CROT: variants seen among roughly 807,000 people sequenced by gnomAD.
The protein encoded by CROT is peroxisomal carnitine O-octanoyltransferase.
Under a neutral mutation model 89.2 loss-of-function variants are expected in CROT, and 84 were observed. The ratio of observed to expected loss-of-function variants is 0.94; its 90% CI spans 0.79 to 1.13. The LOEUF is 1.13. Among genes scored for constraint, CROT ranks in the 50% most tolerant of loss-of-function variants. The probability of loss-of-function intolerance (pLI) is 0.00; values close to 1 mark genes in which losing one functional copy is unlikely to be tolerated. For synonymous variants in CROT, 212 were observed against 239.5 expected (o/e 0.89, Z 1.06); for missense variants, 711 against 727.8 (o/e 0.98, Z 0.27).
At chr7:87,383,413 T>G (rs1234238789) in intron 13 of CROT, among the ~76,000 whole-genome samples, 22 of 152,218 alleles carry the variant, frequency 1.4e-4, no homozygotes, top group Admixed American at 1.4e-3. Flanking sequence ...TTATCCAGCC[T>G]TACCCATGTT....
chr7:87,394,209 G>A (rs1221764706), intron 17 of CROT, among the ~76,000 whole-genome samples: 2 of 152,156 alleles, frequency 1.3e-5, no homozygotes, highest in Non-Finnish European at 2.9e-5. Flanking sequence ...ACCTCATGTT[G>A]CTACTGTGGT....
chr7:87,348,190 A>G (rs900362431), intron 2 of CROT, among the ~76,000 whole-genome samples: 2 of 151,704 alleles, frequency 1.3e-5, no homozygotes, highest in Admixed American at 6.6e-5. Context: ...ATATAATTAC[A>G]TTTAATATAT....
At chr7:87,364,205 C>A (rs769259839) in intron 6 of CROT, among the ~76,000 whole-genome samples, 22 of 152,266 alleles carry the variant, frequency 1.4e-4, no homozygotes, top group Non-Finnish European at 2.6e-4. Flanking sequence ...TCATCACTAC[C>A]AGGCATAGAA....
intron 3 of CROT, among the ~76,000 whole-genome samples, chr7:87,353,471 A>G (rs908192768): frequency 2.6e-5 from 4 of 152,126 alleles, no homozygotes; most frequent in African/African-American, 7.2e-5. Flanking sequence ...CTTTTCTAGT[A>G]TATATAATTA....
chr7:87,360,194 C>A, intron 4 of CROT: 1 of 667,690 alleles, frequency 1.5e-6, no homozygotes, highest in Non-Finnish European at 1.9e-6. Flanking sequence ...TCACTTTCTT[C>A]AAACAAGACT....
intron 13 of CROT, 109 bp downstream of exon 13, chr7:87,382,652 G>A (rs919215804): frequency 9.1e-7 from 1 of 1,097,056 alleles, no homozygotes; most frequent in South Asian, 1.6e-5. Context: ...TTTTTTCCCA[G>A]CTGGTACTGT....
rs1806323600 is a variant in CROT at position 87,362,727 on chromosome 7, C to A, written c.547+875C>A. The stretch of plus-strand genomic sequence containing the variant: ...GAAATGGAAAATTCTGCTGTGGTAA[C>A]TGTTTTTTTCACAGTTTACACTTAC... On this transcript the variant is annotated intron_variant, in intron 6 of 17. Transcript: ENST00000331536. Among the ~76,000 whole-genome samples the A allele has an allele frequency of 2.0e-5, 3 of 150,618 alleles. No homozygotes were observed. In the South Asian group the frequency reaches 6.2e-4, roughly 31 times the overall value.
At chr7:87,388,781 C>G (rs1442706180) in intron 13 of CROT, among the ~76,000 whole-genome samples, 1 of 152,064 alleles carries the variant, frequency 6.6e-6, no homozygotes, top group African/African-American at 2.4e-5. Context: ...CAAATGGGAT[C>G]TAATTAAACT....
At chr7:87,372,005 A>ACC (rs1156250552) in intron 7 of CROT, among the ~76,000 whole-genome samples, 14 of 106,830 alleles carry the variant, frequency 1.3e-4, no homozygotes, top group African/African-American at 4.0e-4. Context: ...AAAAAAAAAA[A>ACC]ACAAAAAAAA....
chr7:87,388,991 A>G (rs1394626487), intron 13 of CROT, among the ~76,000 whole-genome samples: 2 of 152,232 alleles, frequency 1.3e-5, no homozygotes. Context: ...TCAAAAGAAG[A>G]CATTTATGTG....
intron 10 of CROT, among the ~76,000 whole-genome samples, chr7:87,378,346 CAAAAA>C (rs33929613): frequency 7.5e-6 from 1 of 132,890 alleles, no homozygotes. Context: ...ACTCCGACTC[CAAAAA>C]AAAAAAAAAA....
intron 14 of CROT, 148 bp downstream of exon 14, chr7:87,391,860 G>A (rs887608112): frequency 2.5e-6 from 2 of 796,638 alleles, no homozygotes; most frequent in African/African-American, 3.6e-5. Context: ...TAAAGCATTT[G>A]TTCATTCACC....
At chr7:87,354,358 T>C (rs770649367) in intron 3 of CROT, 1 of 518,038 alleles carries the variant, frequency 1.9e-6, no homozygotes, top group Admixed American at 1.9e-5. Context: ...CCCATTTAGA[T>C]AACCTGGACA....
At chr7:87,363,905 G>A (rs755549144) in intron 6 of CROT, among the ~76,000 whole-genome samples, 8 of 152,126 alleles carry the variant, frequency 5.3e-5, no homozygotes, top group African/African-American at 4.8e-5. Context: ...TGGATTTTGG[G>A]TTAGCAGGAA....
intron 13 of CROT, among the ~76,000 whole-genome samples, 173 bp from the exon 14 acceptor site, chr7:87,391,416 T>C (rs1034403962): frequency 2.0e-5 from 3 of 152,072 alleles, no homozygotes; most frequent in African/African-American, 4.8e-5. Flanking sequence ...ATTATCAGAG[T>C]ATTTTTTGCT....
chr7:87,393,441 A>C (rs527507652), intron 17 of CROT, among the ~76,000 whole-genome samples: 40 of 152,308 alleles, frequency 2.6e-4, no homozygotes, highest in Middle Eastern at 3.4e-3. Flanking sequence ...TATTAATGAG[A>C]TAGAGAAAAG....
At chr7:87,349,310 G>A (rs776045920) in intron 3 of CROT, 127 bp downstream of exon 3, 74 of 469,792 alleles carry the variant, frequency 1.6e-4, no homozygotes, top group Admixed American at 6.3e-4. Flanking sequence ...TCTCTTGCAG[G>A]AAGGAATTCA....
chr7:87,352,429 G>A (rs1215335055), intron 3 of CROT, among the ~76,000 whole-genome samples: 1 of 152,094 alleles, frequency 6.6e-6, no homozygotes, highest in Non-Finnish European at 1.5e-5. Context: ...AGGTGGGCAG[G>A]CACTCCTTAA....
intron 1 of CROT, 48 bp downstream of exon 1, chr7:87,345,815 G>A (rs922033820): frequency 4.0e-5 from 8 of 202,226 alleles, no homozygotes; most frequent in African/African-American, 8.3e-5. Flanking sequence ...TCAACTCGGG[G>A]GCGGGGGAAA....
Sources: allele counts gnomAD v4.1 joint callset (sites outside exome capture counted in the v4.1 genomes callset), GRCh38; gene constraint gnomAD v4.1.1; transcripts MANE v1.5; gene names NCBI Gene and HGNC (gene_info 2026-07-23, HGNC 2026-07-21).